DROSHA: variants seen among roughly 807,000 people sequenced by gnomAD.
The protein encoded by DROSHA is drosha ribonuclease III.
A neutral mutation model predicts 181.9 loss-of-function variants in DROSHA; 56 were observed. That is an observed-to-expected ratio of 0.31 (90% CI 0.25 to 0.38). DROSHA has a LOEUF of 0.38. Ranked by LOEUF, DROSHA falls within the 10% of genes least tolerant of loss-of-function variation. The pLI is 1.00. For synonymous variants in DROSHA, 524 were observed against 591.2 expected, an observed-to-expected ratio of 0.89 and a Z score of 1.65; for missense variants, 1,218 against 1,743.5, an observed-to-expected ratio of 0.70 and a Z score of 5.37.
chr5:31,421,156 G>A (rs1742613784), intron 30 of DROSHA, 116 bp downstream of exon 30: 2 of 792,326 alleles, frequency 2.5e-6, no homozygotes, highest in Admixed American at 4.9e-5. Context: ...CAAAGCCAAT[G>A]ATAAGCTAAA....
chr5:31,525,068 C>T (rs1024251720), intron 5 of DROSHA, among the ~76,000 whole-genome samples: 1 of 151,974 alleles, frequency 6.6e-6, no homozygotes, highest in Non-Finnish European at 1.5e-5. Context: ...CAGTGGCTCA[C>T]ACCTGTAATC....
At chr5:31,494,960 C>T (rs1212017074) in intron 12 of DROSHA, among the ~76,000 whole-genome samples, 3 of 152,168 alleles carry the variant, frequency 2.0e-5, no homozygotes, top group East Asian at 1.9e-4. Flanking sequence ...AGGCGTGAGC[C>T]ACCGCGCCCG....
intron 27 of DROSHA, among the ~76,000 whole-genome samples, chr5:31,425,177 C>CA (rs3840330): frequency 0.094 from 14,128 of 150,978 alleles, 885 homozygotes; most frequent in African/African-American, 0.17. Context: ...AAATAAATAA[C>CA]AAAAAAAATT....
rs141039635 is a variant in DROSHA at position 31,461,507 on chromosome 5, T to A, written c.2574+2729A>T. Among the ~76,000 whole-genome samples, 121 of 152,256 alleles carry A rather than the reference T, an allele frequency of 7.9e-4. 4 individuals are homozygous for A. The East Asian group carries it at 0.019, about 24-fold the overall frequency. On this transcript the variant is annotated intron_variant, in intron 20 of 35. Transcript: ENST00000344624. Reference sequence around the variant, plus strand: ...TAGGACAGACTAAGAGAAAGCTCAGTGAGAAGAGTCAAGGGAGTTTCAAAT... The same window carrying A: ...TAGGACAGACTAAGAGAAAGCTCAGAGAGAAGAGTCAAGGGAGTTTCAAAT...
At position 31,462,390 on chromosome 5, in the gene DROSHA, A is replaced by C. The variant is rs1748503090; in HGVS notation, c.2574+1846T>G. The stretch of plus-strand genomic sequence containing the variant: ...GGGAGGAACGGTTATTAGATCATAA[A>C]GCATTCACCTTTGCAGGAGTTTAAT... On this transcript the variant is annotated intron_variant, in intron 20 of 35. Transcript: ENST00000344624. 1.3e-5 allele frequency among the ~76,000 whole-genome samples: 2 copies of C among 152,146 alleles called. 1 individual carries two copies. Among genetic ancestry groups the C allele is most frequent in the South Asian group, 4.1e-4 (2 of 4,832 alleles).
chr5:31,405,415 C>T (rs1226357926), intron 35 of DROSHA, among the ~76,000 whole-genome samples: 1 of 151,506 alleles, frequency 6.6e-6, no homozygotes, highest in African/African-American at 2.4e-5. Flanking sequence ...AGGCAGTTCA[C>T]ACAGGTCACC....
chr5:31,460,200 T>C (rs1748251293), intron 20 of DROSHA, among the ~76,000 whole-genome samples: 1 of 152,206 alleles, frequency 6.6e-6, no homozygotes, highest in Admixed American at 6.5e-5. Context: ...CAGGTTTTGA[T>C]TCCTTTTTCT....
intron 30 of DROSHA, among the ~76,000 whole-genome samples, chr5:31,417,080 A>AG (rs1245701589): frequency 6.6e-6 from 1 of 152,222 alleles, no homozygotes; most frequent in African/African-American, 2.4e-5. Context: ...GAGGTGTGCT[A>AG]GGGACAAGGG....
intron 30 of DROSHA, among the ~76,000 whole-genome samples, chr5:31,417,600 G>A (rs559139663): frequency 6.6e-6 from 1 of 152,060 alleles, no homozygotes; most frequent in Non-Finnish European, 1.5e-5. Flanking sequence ...AAAGGGAAAA[G>A]GCCAAAGACA....
At chr5:31,415,880 C>T (rs1274628784) in intron 30 of DROSHA, among the ~76,000 whole-genome samples, 2 of 152,266 alleles carry the variant, frequency 1.3e-5, no homozygotes, top group Non-Finnish European at 2.9e-5. Flanking sequence ...GACCCTACTG[C>T]ATACACCAAC....
intron 26 of DROSHA, among the ~76,000 whole-genome samples, chr5:31,431,059 T>C (rs573595773): frequency 5.3e-4 from 81 of 152,298 alleles, no homozygotes; most frequent in African/African-American, 1.9e-3. Flanking sequence ...AGTGCCTGAG[T>C]GAGGAGTGAA....
At chr5:31,417,101 C>T (rs1742035397) in intron 30 of DROSHA, among the ~76,000 whole-genome samples, 1 of 152,076 alleles carries the variant, frequency 6.6e-6, no homozygotes, top group Non-Finnish European at 1.5e-5. Flanking sequence ...GAAGTGGTTG[C>T]CTATTTATTC....
chr5:31,509,603 C>T (rs1035710548), intron 9 of DROSHA, among the ~76,000 whole-genome samples: 4 of 152,114 alleles, frequency 2.6e-5, no homozygotes, highest in Admixed American at 1.3e-4. Flanking sequence ...GCGGGCCACA[C>T]GGAAAAACAC....
At chr5:31,497,159 T>C (rs1753082296) in intron 11 of DROSHA, among the ~76,000 whole-genome samples, 1 of 152,184 alleles carries the variant, frequency 6.6e-6, no homozygotes, top group African/African-American at 2.4e-5. Flanking sequence ...AGCAGGCATC[T>C]GAGGGTAGAG....
At chr5:31,438,186 C>T (rs905382368) in intron 23 of DROSHA, among the ~76,000 whole-genome samples, 1 of 152,226 alleles carries the variant, frequency 6.6e-6, no homozygotes, top group East Asian at 1.9e-4. Flanking sequence ...ATGGAGCACC[C>T]TCTCTCAGTA....
At chr5:31,492,227 A>T (rs1325200692) in intron 13 of DROSHA, among the ~76,000 whole-genome samples, 2 of 152,256 alleles carry the variant, frequency 1.3e-5, no homozygotes, top group Non-Finnish European at 2.9e-5. Flanking sequence ...GATAAAAAAT[A>T]CTGTGAAATA....
intron 27 of DROSHA, among the ~76,000 whole-genome samples, chr5:31,427,113 C>T (rs1239523672): frequency 6.6e-6 from 1 of 152,140 alleles, no homozygotes; most frequent in Non-Finnish European, 1.5e-5. Context: ...ATCTGTGAAA[C>T]ACCTGTGAGG....
chr5:31,400,969 TGATGAACAGCCACCG>T lies in DROSHA; in HGVS notation c.*448_*462del, dbSNP rs770277793. 18 of 173,410 alleles carry T rather than the reference TGATGAACAGCCACCG, an allele frequency of 1.0e-4. No individual in the cohort carries two copies. Among genetic ancestry groups the T allele is most frequent in the Non-Finnish European group, 2.1e-4 (17 of 81,294 alleles). 10.7% of individuals were successfully genotyped at this position (173,410 alleles called of 1,614,324 possible). ...AGTTCAATATTTGCAGCTGATAACT[TGATGAACAGCCACCG>T]GATGAAAGCTGAACAATCTACTTAA... is the stretch of plus-strand genomic sequence containing the variant. On this transcript the variant is annotated 3_prime_UTR_variant, in exon 36 of 36. Coordinates refer to ENST00000344624, the MANE Select transcript of DROSHA (RefSeq NM_001382508.1).
At chr5:31,500,491 C>T (rs73064393) in intron 11 of DROSHA, among the ~76,000 whole-genome samples, 2,391 of 152,282 alleles carry the variant, frequency 0.016, 70 homozygotes, top group African/African-American at 0.055. Flanking sequence ...GCTGAAATAC[C>T]GGAATTGCCG....
Sources: allele counts gnomAD v4.1 joint callset (sites outside exome capture counted in the v4.1 genomes callset), GRCh38; gene constraint gnomAD v4.1.1; transcripts MANE v1.5; gene names NCBI Gene and HGNC (gene_info 2026-07-23, HGNC 2026-07-21).